COL4A3: variants seen among roughly 807,000 people sequenced by gnomAD.
The protein encoded by COL4A3 is collagen alpha-3(IV) chain.
In COL4A3, 135 loss-of-function variants were observed where a neutral mutation model predicts 217.4. That is an observed-to-expected ratio of 0.62 (90% confidence interval 0.54 to 0.72). The LOEUF (loss-of-function observed/expected upper bound fraction) is 0.72, where lower values mean the gene tolerates loss of function less well. Ranked by LOEUF, COL4A3 falls within the 30% of genes least tolerant of loss-of-function variation. The pLI, the probability that COL4A3 is intolerant of heterozygous loss-of-function variation, is 0.00. For missense variants in COL4A3, 1,868 were observed against 2,119.9 expected (o/e 0.88, Z 2.33); for synonymous variants, 690 against 736.3 (o/e 0.94, Z 1.02).
At chr2:227,199,029 G>A (rs1037626790) in intron 1 of COL4A3, among the ~76,000 whole-genome samples, 2 of 152,112 alleles carry the variant, frequency 1.3e-5, no homozygotes, top group Non-Finnish European at 1.5e-5. Flanking sequence ...GGCAAGGGAC[G>A]TGGGACTTAT....
intron 1 of COL4A3, among the ~76,000 whole-genome samples, chr2:227,203,361 A>G (rs1262454353): frequency 2.5e-5 from 1 of 39,716 alleles, no homozygotes; most frequent in Non-Finnish European, 4.7e-5. Flanking sequence ...GTGTATATAT[A>G]CATATATGTG....
At chr2:227,293,083 A>G in intron 37 of COL4A3, 108 bp from the exon 38 acceptor site, 1 of 1,429,028 alleles carries the variant, frequency 7.0e-7, no homozygotes, top group South Asian at 1.2e-5. Context: ...GCAGATACTA[A>G]TATGAATTGA....
At chr2:227,182,847 TTTAG>T (rs755206675) in intron 1 of COL4A3, among the ~76,000 whole-genome samples, 1 of 152,210 alleles carries the variant, frequency 6.6e-6, no homozygotes, top group Non-Finnish European at 1.5e-5. Flanking sequence ...TCAAGAATTA[TTTAG>T]TTACACAAAT....
intron 2 of COL4A3, among the ~76,000 whole-genome samples, chr2:227,238,702 G>C (rs1008583445): frequency 3.4e-4 from 51 of 151,684 alleles, no homozygotes; most frequent in African/African-American, 1.2e-3. Flanking sequence ...AATATTTTAA[G>C]AACATATTTA....
In COL4A3 at chr2:227,314,496, T is replaced by A. The variant is rs2073838878; in HGVS notation, c.*2626T>A. On this transcript the variant is annotated 3_prime_UTR_variant, in exon 52 of 52. Transcript: ENST00000396578. ...GCTAAAATAACAGATTTCTCAGAAG[T>A]CTTTCAGCAAGATAAACATTATTAA... The A allele has an allele frequency of 6.6e-6, 1 of 152,638 alleles. No individual in the cohort carries two copies. The highest frequency in any genetic ancestry group is 1.5e-5 in the Non-Finnish European group (1 of 68,040). The allele number at this position is 152,638 out of a possible 1,614,324, so 9.5% of individuals were successfully genotyped here.
chr2:227,272,936 C>G lies in COL4A3; in HGVS notation c.1759-13C>G, dbSNP rs759024683. 1.7e-5 allele frequency: 27 copies of G among 1,613,824 alleles called. No individual in the cohort carries two copies. In the East Asian group the frequency reaches 6.0e-4, roughly 36 times the overall value. ...GAATGAAGCACGATTCAAACACATTCCTGTTGTCACAGGCTCTGAGTGGTG... is the reference window on the plus strand; with the variant it reads ...GAATGAAGCACGATTCAAACACATTGCTGTTGTCACAGGCTCTGAGTGGTG... On this transcript the variant is annotated splice_polypyrimidine_tract_variant and intron_variant, in intron 25 of 51. Transcript: ENST00000396578.
At chr2:227,173,845 G>A (rs1398752325) in intron 1 of COL4A3, among the ~76,000 whole-genome samples, 1 of 151,892 alleles carries the variant, frequency 6.6e-6, no homozygotes, top group Admixed American at 6.6e-5. Context: ...TGTGTATTTT[G>A]TACTTGCTTC....
chr2:227,244,397 A>G (rs1351450978), intron 4 of COL4A3, 33 bp downstream of exon 4: 1 of 1,595,896 alleles, frequency 6.3e-7, no homozygotes, highest in Non-Finnish European at 8.6e-7. Flanking sequence ...CCTGATCGTT[A>G]AAAGATCAGC....
chr2:227,267,193 G>T, intron 23 of COL4A3, 105 bp downstream of exon 23: 1 of 814,930 alleles, frequency 1.2e-6, no homozygotes, highest in Non-Finnish European at 2.1e-6. Flanking sequence ...TGGTTTAGAT[G>T]AACTTGGAGG....
At position 227,261,197 on chromosome 2, in the gene COL4A3, T is replaced by C. The variant is rs1295234999; in HGVS notation, c.1150+80T>C. On this transcript the variant is annotated intron_variant, in intron 20 of 51. Transcript: ENST00000396578. ...GCTGTCCTCTATTAAGTTTACATTA[T>C]TTACATAAGACAAATGTTTCATTAA... The C allele has an allele frequency of 4.9e-6, 6 of 1,218,114 alleles. No individual in the cohort carries two copies. In the East Asian group the frequency reaches 1.4e-4, roughly 28 times the overall value. 75.5% of individuals were successfully genotyped at this position (1,218,114 alleles called of 1,614,324 possible).
At chr2:227,207,597 AG>A (rs11323859) in intron 1 of COL4A3, among the ~76,000 whole-genome samples, 1,756 of 152,310 alleles carry the variant, frequency 0.012, 37 homozygotes, top group African/African-American at 0.04. Context: ...TTTAAAGGGC[AG>A]GGGGGTTTGC....
At chr2:227,248,641 T>G in intron 9 of COL4A3, 121 bp downstream of exon 9, 1 of 680,124 alleles carries the variant, frequency 1.5e-6, no homozygotes, top group Non-Finnish European at 2.6e-6. Flanking sequence ...CTTAAGAAGA[T>G]TTTAAATAGA....
chr2:227,216,396 G>T (rs1472526807), intron 1 of COL4A3, among the ~76,000 whole-genome samples: 1 of 152,174 alleles, frequency 6.6e-6, no homozygotes, highest in Non-Finnish European at 1.5e-5. Flanking sequence ...CAAAGATTCT[G>T]CACTTCATTT....
rs55849096 is a variant in COL4A3, at chr2:227,290,876, C to T, written c.3200C>T (p.Pro1067Leu). The change falls in exon 37 of 52, where the codon CCG (proline) becomes CTG (leucine). Residue 1067 changes from proline (P) to leucine (L), a missense_variant. Physicochemically the swap from Pro to Leu is moderately conservative, Grantham distance 98 (BLOSUM62 -3). Around this residue, in one of 2 missense-constraint regions of COL4A3, gnomAD observed 1,503 missense variants for 1,786.1 expected, o/e 0.84. Coordinates refer to ENST00000396578, the MANE Select transcript of COL4A3 (RefSeq NM_000091.5). ...TCAGAAGGTACAAGGCCAGGACCAC[C>T]GGGACCAACGGTATATAGGCCACTG... The part of the protein sequence containing the change: ...GYSEGTRPGP[P>L]GPTGDPGLPG... 2.0e-5 allele frequency: 33 copies of T among 1,611,948 alleles called. No individual in the cohort carries two copies. Among genetic ancestry groups the T allele is most frequent in the Admixed American group, 6.7e-5 (4 of 59,906 alleles).
intron 1 of COL4A3, among the ~76,000 whole-genome samples, chr2:227,216,984 G>A (rs1179144037): frequency 1.3e-5 from 2 of 152,134 alleles, no homozygotes; most frequent in Non-Finnish European, 2.9e-5. Context: ...ATGATTTAGT[G>A]ACTGTATTGG....
chr2:227,308,720 G>A (rs1399198920), intron 48 of COL4A3, among the ~76,000 whole-genome samples, 179 bp from the exon 49 acceptor site: 5 of 152,192 alleles, frequency 3.3e-5, no homozygotes, highest in Non-Finnish European at 7.3e-5. Context: ...TTTGCCTATT[G>A]GATCTTTGAT....
rs372675626 is a variant in COL4A3 at position 227,303,116 on chromosome 2, G to A, written c.3955+6G>A. 2 of 1,612,662 alleles carry A rather than the reference G, an allele frequency of 1.2e-6. No homozygotes were observed. Among genetic ancestry groups the A allele is most frequent in the Non-Finnish European group, 8.5e-7 (1 of 1,178,714 alleles). ...GGGGTTTCCAGGCGTGAAAGGTACT[G>A]TTTTTGTGCATTGCTCTTTATATGC... On this transcript the variant is annotated splice_donor_region_variant and intron_variant, in intron 44 of 51. Coordinates refer to ENST00000396578, the MANE Select transcript of COL4A3 (RefSeq NM_000091.5).
chr2:227,172,184 C>A (rs1249773704), intron 1 of COL4A3, among the ~76,000 whole-genome samples: 1 of 152,238 alleles, frequency 6.6e-6, no homozygotes, highest in Non-Finnish European at 1.5e-5. Context: ...TGCTCACCAC[C>A]TTCAGGTGTT....
chr2:227,280,807 A>C, intron 30 of COL4A3, 86 bp from the exon 31 acceptor site: 2 of 1,146,752 alleles, frequency 1.7e-6, no homozygotes, highest in Non-Finnish European at 2.6e-6. Flanking sequence ...TAGGTGGAAA[A>C]AAAGTTAACA....
Sources: allele counts gnomAD v4.1 joint callset (sites outside exome capture counted in the v4.1 genomes callset), GRCh38; gene constraint gnomAD v4.1.1; regional missense constraint gnomAD v4.1.1; transcripts MANE v1.5; gene names NCBI Gene and HGNC (gene_info 2026-07-23, HGNC 2026-07-21).